ADGRE3: variants seen among roughly 807,000 people sequenced by gnomAD.
ADGRE3 encodes EGF-like module receptor 3.
A neutral mutation model predicts 80.1 loss-of-function variants in ADGRE3; 88 were observed. That is an observed-to-expected ratio of 1.10 (90% confidence interval 0.93 to 1.31). The LOEUF (loss-of-function observed/expected upper bound fraction) is 1.31. Among genes scored for constraint, ADGRE3 ranks in the 40% most tolerant of loss-of-function variants. ADGRE3 has a pLI of 0.00. For synonymous variants in ADGRE3, 281 were observed against 294.8 expected, an observed-to-expected ratio of 0.95 and a Z score of 0.48; for missense variants, 715 against 776.5, an observed-to-expected ratio of 0.92 and a Z score of 0.94.
At chr19:14,636,406 C>T (rs1468325946) in intron 11 of ADGRE3, among the ~76,000 whole-genome samples, 1 of 151,070 alleles carries the variant, frequency 6.6e-6, no homozygotes, top group Non-Finnish European at 1.5e-5. Context: ...TGGGTTTTCA[C>T]ATGTGGGCCA....
chr19:14,657,624 G>A (rs1030220714), intron 5 of ADGRE3, among the ~76,000 whole-genome samples: 12 of 151,646 alleles, frequency 7.9e-5, no homozygotes, highest in African/African-American at 2.4e-4. Context: ...TTCCAGGATC[G>A]TCCATATATG....
chr19:14,646,977 G>A (rs910964208), intron 8 of ADGRE3, among the ~76,000 whole-genome samples: 8 of 151,900 alleles, frequency 5.3e-5, no homozygotes, highest in African/African-American at 1.9e-4. Flanking sequence ...GTCTTCAAAG[G>A]CTGATTTACA....
intron 11 of ADGRE3, among the ~76,000 whole-genome samples, chr19:14,633,732 A>G (rs1599612438): frequency 6.7e-6 from 1 of 149,924 alleles, no homozygotes; most frequent in African/African-American, 2.4e-5. Flanking sequence ...ATAAAATAAA[A>G]TAAAATAAAA....
intron 15 of ADGRE3, among the ~76,000 whole-genome samples, chr19:14,620,549 TATATATA>T: frequency 7.8e-4 from 2 of 2,550 alleles, no homozygotes; most frequent in Admixed American, 7.0e-3. Flanking sequence ...ATATATATAT[TATATATA>T]TATATATATA....
Position 14,664,098 on chromosome 19 carries a change from C to T in ADGRE3, c.77-558G>A, listed in dbSNP as rs367857910. Among the ~76,000 whole-genome samples, 22 of 152,242 alleles carry T rather than the reference C, an allele frequency of 1.4e-4. No homozygotes were observed. The East Asian group carries it at 1.7e-3, about 12-fold the overall frequency. On this transcript the variant is annotated intron_variant, in intron 2 of 15. Transcript: ENST00000253673. ...AGTGGCCAGGCGTGGTGGCTCACTC[C>T]GCCTGGTGAGGATTTTCACATGGTG...
chr19:14,649,361 CCCATCTCTCTTT>C (rs1568489944), intron 7 of ADGRE3, among the ~76,000 whole-genome samples: 2 of 146,656 alleles, frequency 1.4e-5, no homozygotes, highest in East Asian at 2.1e-4. Context: ...CATCTCTCTC[CCCATCTCTCTTT>C]CCATCTCTCT....
At chr19:14,607,449 CGCCTTG>C in the ADGRE3 span, among the ~76,000 whole-genome samples, 1 of 151,812 alleles carries the variant, frequency 6.6e-6, no homozygotes, top group East Asian at 1.9e-4. Flanking sequence ...GTGATCTGCC[CGCCTTG>C]GCCTCCCAAA....
At position 14,647,337 on chromosome 19, in the gene ADGRE3, A is replaced by G. The variant is rs1357097964; in HGVS notation, c.726T>C (p.Tyr242=). 5 of 1,611,680 alleles carry G rather than the reference A, an allele frequency of 3.1e-6. No individual in the cohort carries two copies. The South Asian group carries it at 4.4e-5, about 14-fold the overall frequency. ...CATTTATGATGTTTCCAAGAGAAGAATATGAGATAAAGGCAATGGCACTGG... is the reference window on the plus strand; with the variant it reads ...CATTTATGATGTTTCCAAGAGAAGAGTATGAGATAAAGGCAATGGCACTGG... The part of the protein sequence containing the change: ...QGPSAIAFIS[Y]SSLGNIINAT... The change falls in exon 8 of 16, where the codon TAT becomes TAC. Residue 242 remains tyrosine, a synonymous_variant. Coordinates refer to ENST00000253673, the MANE Select transcript of ADGRE3 (RefSeq NM_032571.5).
chr19:14,614,741 AT>A (rs1284059249), downstream of ADGRE3, among the ~76,000 whole-genome samples: 4 of 151,094 alleles, frequency 2.6e-5, no homozygotes, highest in African/African-American at 9.7e-5. Context: ...TGCCCAGTGA[AT>A]TTTTTCGTAT....
At chr19:14,626,657 A>G (rs1179965782) in intron 14 of ADGRE3, among the ~76,000 whole-genome samples, 1 of 152,194 alleles carries the variant, frequency 6.6e-6, no homozygotes, top group Non-Finnish European at 1.5e-5. Context: ...GATCCCAAGA[A>G]GCACCAGTAG....
chr19:14,638,049 C>T (rs1971147024), intron 11 of ADGRE3, 56 bp downstream of exon 11: 1 of 1,261,342 alleles, frequency 7.9e-7, no homozygotes, highest in Admixed American at 1.7e-5. Context: ...ATGAATGCTG[C>T]CCTCAAAAGC....
intron 5 of ADGRE3, among the ~76,000 whole-genome samples, chr19:14,656,322 C>T (rs1205571107): frequency 6.8e-6 from 1 of 146,772 alleles, no homozygotes; most frequent in Non-Finnish European, 1.5e-5. Context: ...TCACTGCACT[C>T]CAGCCTGGGT....
At chr19:14,610,207 C>T in the ADGRE3 span, 952,849 of 1,553,368 alleles carry the variant, frequency 0.61, 293,829 homozygotes, top group East Asian at 0.82. Context: ...AGCCCAGGGC[C>T]GAGGCTGGGG....
intron 15 of ADGRE3, among the ~76,000 whole-genome samples, chr19:14,623,378 T>C (rs1406786545): frequency 6.6e-6 from 1 of 151,942 alleles, no homozygotes; most frequent in Non-Finnish European, 1.5e-5. Context: ...ATTACAGGTG[T>C]GAGCCACCAT....
At chr19:14,610,202 A>T in the ADGRE3 span, 1 of 1,558,208 alleles carries the variant, frequency 6.4e-7, no homozygotes, top group Non-Finnish European at 8.7e-7. Context: ...GTTGAAGCCC[A>T]GGGCCGAGGC....
At chr19:14,666,848 C>T (rs1405284525) in intron 2 of ADGRE3, among the ~76,000 whole-genome samples, 2 of 152,160 alleles carry the variant, frequency 1.3e-5, no homozygotes, top group Admixed American at 1.3e-4. Flanking sequence ...TCAGAGTGAG[C>T]TCTGAAAGTC....
downstream of ADGRE3, among the ~76,000 whole-genome samples, chr19:14,617,381 T>C (rs1053692745): frequency 2.5e-4 from 33 of 131,008 alleles, no homozygotes; most frequent in Non-Finnish European, 4.5e-4. Flanking sequence ...TTTCTTCCTT[T>C]CTTTCTTTCT....
chr19:14,642,842 T>C (rs907059797), intron 9 of ADGRE3, among the ~76,000 whole-genome samples: 6 of 152,216 alleles, frequency 3.9e-5, no homozygotes, highest in Non-Finnish European at 8.8e-5. Flanking sequence ...GATGGGCATT[T>C]AGGTTGATTC....
chr19:14,628,761 G>A (rs917028643), intron 14 of ADGRE3: 5 of 328,928 alleles, frequency 1.5e-5, no homozygotes, highest in Non-Finnish European at 3.0e-5. Flanking sequence ...TACAAGGAAG[G>A]CTGTGTGATC....
Sources: gnomAD v4.1 joint callset for allele counts (sites outside exome capture counted in the v4.1 genomes callset) on GRCh38, gnomAD v4.1.1 for gene constraint, MANE v1.5 for transcripts, NCBI Gene and HGNC (gene_info 2026-07-23, HGNC 2026-07-21) for gene names.